LCP2: variants seen among roughly 807,000 people sequenced by gnomAD.
LCP2 encodes lymphocyte cytosolic protein 2, also known as 76 kDa tyrosine phosphoprotein.
In LCP2, 29 loss-of-function variants were observed where a neutral mutation model predicts 74.5. The observed-to-expected ratio is 0.39, with a 90% CI of 0.29 to 0.53. LCP2 has a LOEUF of 0.53. Ranked by LOEUF, LCP2 falls within the 20% of genes least tolerant of loss-of-function variation. The pLI, the probability that LCP2 is intolerant of heterozygous loss-of-function variation, is 0.72. For missense variants in LCP2, 604 were observed against 634.6 expected, an observed-to-expected ratio of 0.95 and a Z score of 0.52; for synonymous variants, 228 against 229.5, an observed-to-expected ratio of 0.99 and a Z score of 0.06.
At chr5:170,275,221 C>A (rs1163360614) in intron 5 of LCP2, 99 bp downstream of exon 5, 2 of 1,311,954 alleles carry the variant, frequency 1.5e-6, no homozygotes, top group South Asian at 1.2e-5. Flanking sequence ...AGTAAGGTCA[C>A]CTGAATGAAC....
intron 3 of LCP2, among the ~76,000 whole-genome samples, chr5:170,280,777 G>A (rs1176964172): frequency 6.6e-6 from 1 of 152,196 alleles, no homozygotes; most frequent in East Asian, 1.9e-4. Flanking sequence ...GGAGGCTGAG[G>A]CAGGTGGTTC....
intron 3 of LCP2, among the ~76,000 whole-genome samples, chr5:170,281,828 A>G (rs1387979096): frequency 6.6e-6 from 1 of 152,224 alleles, no homozygotes; most frequent in Non-Finnish European, 1.5e-5. Flanking sequence ...AAAGAGCATC[A>G]TCCAATACCT....
chr5:170,284,228 C>G lies in LCP2; in HGVS notation c.188+3742G>C, dbSNP rs1581073381. Among the ~76,000 whole-genome samples the G allele has an allele frequency of 2.6e-5, 4 of 152,306 alleles. No homozygotes were observed. The South Asian group carries it at 8.3e-4, about 32-fold the overall frequency. ...CCTAAGTAGTTACCATTTCTGGCAC[C>G]CTTCATTCCTATGTACACATCCCTT... On this transcript the variant is annotated intron_variant, in intron 3 of 20. Transcript: ENST00000046794.
chr5:170,246,262 T>C lies in LCP2; in HGVS notation c.*2435A>G. ...TGTTCTTGAAGGCTGTTTAATGTTT[T>C]GAAGAATGGCTTAACTTACGTCACT... On this transcript the variant is annotated 3_prime_UTR_variant, in exon 21 of 21. Coordinates refer to ENST00000046794, the MANE Select transcript of LCP2 (RefSeq NM_005565.5). 1 of 664,472 alleles carries C rather than the reference T, an allele frequency of 1.5e-6. No homozygotes were observed. The highest frequency in any genetic ancestry group is 2.4e-6 in the Non-Finnish European group (1 of 422,672). 41.2% of individuals were successfully genotyped at this position (664,472 alleles called of 1,614,324 possible). A position where few individuals can be genotyped will look rare whatever the true frequency, so the allele number is the denominator to read the frequency against.
intron 10 of LCP2, 108 bp from the exon 11 acceptor site, chr5:170,263,100 TG>T: frequency 7.6e-7 from 1 of 1,320,888 alleles, no homozygotes; most frequent in South Asian, 1.3e-5. Context: ...TGGGGGTTGA[TG>T]GGGTTTAAGC....
intron 15 of LCP2, chr5:170,258,548 G>C: frequency 2.8e-6 from 1 of 360,910 alleles, no homozygotes. Context: ...GGCAGTTACT[G>C]ATTCTTTACC....
At chr5:170,271,160 C>T (rs549525210) in intron 6 of LCP2, among the ~76,000 whole-genome samples, 1 of 152,266 alleles carries the variant, frequency 6.6e-6, no homozygotes, top group South Asian at 2.1e-4. Flanking sequence ...TACACAACAC[C>T]TTTCTGCACA....
chr5:170,276,048 C>T (rs918177397), intron 3 of LCP2, among the ~76,000 whole-genome samples, 188 bp from the exon 4 acceptor site: 2 of 152,170 alleles, frequency 1.3e-5, no homozygotes, highest in African/African-American at 4.8e-5. Flanking sequence ...ATCTTATTCC[C>T]CGGGCCAGAC....
intron 6 of LCP2, among the ~76,000 whole-genome samples, chr5:170,272,116 C>A (rs1000441242): frequency 6.6e-6 from 1 of 152,180 alleles, no homozygotes; most frequent in Non-Finnish European, 1.5e-5. Flanking sequence ...TCCGCAGGCA[C>A]GTGGCCTCCC....
At position 170,293,367 on chromosome 5, in the gene LCP2, G is replaced by T. The variant is rs1581078583; in HGVS notation, c.84C>A (p.Asn28Lys). 6.3e-7 allele frequency: 1 copy of T among 1,596,238 alleles called. No individual in the cohort carries two copies. Among genetic ancestry groups the T allele is most frequent in the Non-Finnish European group, 8.5e-7 (1 of 1,170,838 alleles). The change falls in exon 2 of 21, where the codon AAC (asparagine) becomes AAA (lysine). Residue 28 changes from asparagine (N) to lysine (K), a missense_variant. Asn to Lys is a moderately conservative substitution (Grantham distance 94). Coordinates refer to ENST00000046794, the MANE Select transcript of LCP2 (RefSeq NM_005565.5). ...TCACTGCCTTCTCACAGTCCTTATA[G>T]TTGAGCTGCAAAGAGAAGGGGAAGG... ...DSLADYFKKL[N>K]YKDCEKAVKK...
At chr5:170,260,541 C>T (rs530227747) in intron 14 of LCP2, among the ~76,000 whole-genome samples, 1 of 152,310 alleles carries the variant, frequency 6.6e-6, no homozygotes, top group African/African-American at 2.4e-5. Context: ...GTTCATTATA[C>T]TCATATGTAA....
At position 170,268,476 on chromosome 5, in the gene LCP2, G is replaced by T; in HGVS notation, c.530C>A (p.Pro177His). 2 of 274,384 alleles carry T rather than the reference G, an allele frequency of 7.3e-6. No homozygotes were observed. The highest frequency in any genetic ancestry group is 7.0e-6 in the Non-Finnish European group (1 of 142,908). 17.0% of individuals were successfully genotyped at this position (274,384 alleles called of 1,614,324 possible). A position where few individuals can be genotyped will look rare whatever the true frequency, so the allele number is the denominator to read the frequency against. Reference protein sequence around the residue: ...PNSNSMYIDRPPSGKTPQQPP... With the variant: ...PNSNSMYIDRHPSGKTPQQPP... Reference sequence around the variant, plus strand: ...CTGCTGGGGGGTTTTCCCAGAGGGGGGCCGGTCTGTGGAAACACAAGGTTA... The same window carrying T: ...CTGCTGGGGGGTTTTCCCAGAGGGGTGCCGGTCTGTGGAAACACAAGGTTA... The change falls in exon 8 of 21, where the codon CCC becomes CAC. Residue 177 changes from proline (P) to histidine (H), a missense_variant. By Grantham distance (77) the Pro-to-His change is moderately conservative. Coordinates refer to ENST00000046794, the MANE Select transcript of LCP2 (RefSeq NM_005565.5).
chr5:170,259,173 A>G (rs1044930274), intron 14 of LCP2, among the ~76,000 whole-genome samples: 8 of 152,180 alleles, frequency 5.3e-5, no homozygotes, highest in Non-Finnish European at 1.0e-4. Flanking sequence ...AATATTGACA[A>G]TATCTACAAT....
At chr5:170,250,527 G>A (rs376011273) in intron 20 of LCP2, among the ~76,000 whole-genome samples, 76 of 152,234 alleles carry the variant, frequency 5.0e-4, no homozygotes, top group African/African-American at 1.6e-3. Flanking sequence ...TGAAAGAAAA[G>A]ATATACAAGA....
intron 2 of LCP2, among the ~76,000 whole-genome samples, chr5:170,289,452 A>C (rs1401454483): frequency 6.6e-6 from 1 of 152,090 alleles, no homozygotes; most frequent in Non-Finnish European, 1.5e-5. Context: ...TGTTCACTGG[A>C]TCCATCTGAT....
At chr5:170,274,256 T>C (rs763227585) in intron 6 of LCP2, 45 bp downstream of exon 6, 1 of 1,603,112 alleles carries the variant, frequency 6.2e-7, no homozygotes. Flanking sequence ...AAAGCTGCCC[T>C]GGACACTGCT....
At chr5:170,290,167 T>C (rs1486146323) in intron 2 of LCP2, among the ~76,000 whole-genome samples, 1 of 152,216 alleles carries the variant, frequency 6.6e-6, no homozygotes, top group Non-Finnish European at 1.5e-5. Context: ...CTGGGTTATT[T>C]GCATGATGAT....
At position 170,262,959 on chromosome 5, in the gene LCP2, C is replaced by T. The variant is rs1761687092; in HGVS notation, c.798+8G>A. The T allele has an allele frequency of 6.2e-7, 1 of 1,613,888 alleles. No individual in the cohort carries two copies. The highest frequency in any genetic ancestry group is 1.7e-5 in the Admixed American group (1 of 59,994). On this transcript the variant is annotated splice_region_variant and intron_variant, in intron 11 of 20. Transcript: ENST00000046794. Reference sequence around the variant, plus strand: ...CAAACACAACCAAAAAACAAGTTCACAGCTTACCTTGTCAGAAAATGGTGG... The same window carrying T: ...CAAACACAACCAAAAAACAAGTTCATAGCTTACCTTGTCAGAAAATGGTGG...
chr5:170,266,841 AT>A lies in LCP2; in HGVS notation c.738del (p.Leu247Ter). 1 of 1,613,984 alleles carries A rather than the reference AT, an allele frequency of 6.2e-7. No individual in the cohort carries two copies. The highest frequency in any genetic ancestry group is 8.5e-7 in the Non-Finnish European group (1 of 1,179,854). On this transcript the variant is annotated frameshift_variant, in exon 10 of 21. Transcript: ENST00000046794. LOFTEE classifies it high-confidence loss of function. The stretch of plus-strand genomic sequence containing the variant: ...AAGGGTTCTCTATCAAACGGAGCTA[AT>A]GAACGATCTAGGGGAGGTTTCGTGC... ...DRSTKPPLDR[S>X]LAPFDREPFT... is the part of the protein sequence containing the mutation.
Sources: allele counts gnomAD v4.1 joint callset (sites outside exome capture counted in the v4.1 genomes callset), GRCh38; gene constraint gnomAD v4.1.1; transcripts MANE v1.5; gene names NCBI Gene and HGNC (gene_info 2026-07-23, HGNC 2026-07-21).